The following CSMD3 variants were observed in gnomAD, a reference collection of about 807,000 sequenced individuals.
The protein encoded by CSMD3 is CUB and Sushi multiple domains 3.
Under a neutral mutation model 435.2 loss-of-function variants are expected in CSMD3, and 177 were observed. That is an observed-to-expected ratio of 0.41 (90% CI 0.36 to 0.46). The LOEUF (loss-of-function observed/expected upper bound fraction) is 0.46. Among genes scored for constraint, CSMD3 ranks in the 20% least tolerant of loss-of-function variants. The pLI, the probability that CSMD3 is intolerant of heterozygous loss-of-function variation, is 0.34. For synonymous variants in CSMD3, 1,656 were observed against 1,520.5 expected (o/e 1.09, Z -2.07); for missense variants, 4,265 against 4,504.6 (o/e 0.95, Z 1.52).
intron 38 of CSMD3, among the ~76,000 whole-genome samples, chr8:112,359,457 G>A (rs1391349870): frequency 6.6e-6 from 1 of 152,098 alleles, no homozygotes; most frequent in Non-Finnish European, 1.5e-5. Context: ...GTGTCTTGAG[G>A]AGGCACTCAG....
intron 1 of CSMD3, among the ~76,000 whole-genome samples, chr8:113,354,610 CAT>C (rs1327902031): frequency 2.0e-5 from 3 of 152,080 alleles, no homozygotes; most frequent in Admixed American, 6.6e-5. Flanking sequence ...AGTAACATAA[CAT>C]AGAAATTTGT....
chr8:112,820,448 C>T (rs2079497152), intron 12 of CSMD3, among the ~76,000 whole-genome samples: 1 of 151,884 alleles, frequency 6.6e-6, no homozygotes, highest in African/African-American at 2.4e-5. Flanking sequence ...TTCACAAAAA[C>T]ATAATATACA....
intron 1 of CSMD3, among the ~76,000 whole-genome samples, chr8:113,319,260 G>A (rs76979718): frequency 1.9e-3 from 287 of 152,110 alleles, no homozygotes; most frequent in South Asian, 9.5e-3. Context: ...ACTTACGGGA[G>A]TAAGGCAATA....
At chr8:113,314,845 T>C (rs1247332739) in intron 1 of CSMD3, 52 bp from the exon 2 acceptor site, 1 of 1,164,406 alleles carries the variant, frequency 8.6e-7, no homozygotes, top group Non-Finnish European at 1.3e-6. Flanking sequence ...TCAAGAACAA[T>C]CCATGAGATA....
chr8:113,214,855 A>T (rs564746245), intron 3 of CSMD3, among the ~76,000 whole-genome samples: 1 of 152,030 alleles, frequency 6.6e-6, no homozygotes, highest in African/African-American at 2.4e-5. Context: ...AGTAGATTAA[A>T]TATATGGTGT....
chr8:113,355,581 C>T (rs1412950305), intron 1 of CSMD3, among the ~76,000 whole-genome samples: 6 of 151,326 alleles, frequency 4.0e-5, no homozygotes, highest in Admixed American at 6.6e-5. Flanking sequence ...TCCCAAAGGC[C>T]GCGCTTCCTG....
rs190784239 is a variant in CSMD3, at chr8:113,178,277, T to C, written c.515-4361A>G. The stretch of plus-strand genomic sequence containing the variant: ...CTGAGACTCAGAAAGATTAAGTAAC[T>C]TTCCAAAGGCCACCCACTAATAAAT... On this transcript the variant is annotated intron_variant, in intron 3 of 70. Coordinates refer to ENST00000297405, the MANE Select transcript of CSMD3 (RefSeq NM_198123.2). Among the ~76,000 whole-genome samples, 309 of 152,072 alleles carry C rather than the reference T, an allele frequency of 2.0e-3. 2 individuals are homozygous for C. Among genetic ancestry groups the C allele is most frequent in the Non-Finnish European group, 4.9e-4 (33 of 67,906 alleles).
At chr8:112,973,499 T>G (rs1413693629) in intron 7 of CSMD3, among the ~76,000 whole-genome samples, 1 of 151,886 alleles carries the variant, frequency 6.6e-6, no homozygotes, top group Non-Finnish European at 1.5e-5. Context: ...TTTATCTTTA[T>G]TTCCTCTAGA....
At chr8:112,294,815 C>T (rs1402504657) in intron 54 of CSMD3, among the ~76,000 whole-genome samples, 4 of 152,096 alleles carry the variant, frequency 2.6e-5, no homozygotes, top group African/African-American at 4.8e-5. Context: ...TCTAAAATTA[C>T]ATATATTCAT....
intron 5 of CSMD3, among the ~76,000 whole-genome samples, chr8:113,075,540 A>G (rs1439667800): frequency 6.6e-6 from 1 of 151,884 alleles, no homozygotes; most frequent in Non-Finnish European, 1.5e-5. Context: ...TCACTATGAA[A>G]TAGCTTCAAT....
At chr8:112,608,584 C>G (rs1832977195) in intron 22 of CSMD3, among the ~76,000 whole-genome samples, 1 of 149,066 alleles carries the variant, frequency 6.7e-6, no homozygotes. Context: ...GGCATGAAAA[C>G]TATATATATA....
chr8:112,609,622 A>G (rs1277671523), intron 22 of CSMD3, among the ~76,000 whole-genome samples: 1 of 152,154 alleles, frequency 6.6e-6, no homozygotes, highest in Non-Finnish European at 1.5e-5. Context: ...TCAGAATATT[A>G]AAAATAGAAC....
chr8:112,923,208 A>C (rs530270314), intron 9 of CSMD3, among the ~76,000 whole-genome samples: 2 of 152,068 alleles, frequency 1.3e-5, no homozygotes, highest in Non-Finnish European at 2.9e-5. Flanking sequence ...GCCTCCCTGC[A>C]ATCTGTTCTT....
intron 38 of CSMD3, among the ~76,000 whole-genome samples, chr8:112,359,861 T>C (rs891318185): frequency 3.3e-5 from 5 of 152,054 alleles, no homozygotes; most frequent in Admixed American, 2.6e-4. Context: ...TTTATGGACC[T>C]AGGAAAACTT....
chr8:112,681,195 C>A (rs1009639118), intron 16 of CSMD3, among the ~76,000 whole-genome samples: 2 of 151,394 alleles, frequency 1.3e-5, no homozygotes, highest in Non-Finnish European at 2.9e-5. Flanking sequence ...CCACCACACC[C>A]GGCTAGTTTT....
intron 4 of CSMD3, among the ~76,000 whole-genome samples, chr8:113,142,754 C>A (rs1354304223): frequency 1.3e-5 from 2 of 150,710 alleles, no homozygotes; most frequent in East Asian, 2.0e-4. Context: ...ATAATTGCAT[C>A]ATTTATAACG....
intron 20 of CSMD3, among the ~76,000 whole-genome samples, chr8:112,640,010 T>C (rs746328673): frequency 6.6e-6 from 1 of 152,160 alleles, no homozygotes; most frequent in Non-Finnish European, 1.5e-5. Context: ...TTTTACAAAG[T>C]GGCCATGCTG....
intron 35 of CSMD3, among the ~76,000 whole-genome samples, chr8:112,400,810 G>A (rs1831265750): frequency 6.6e-6 from 1 of 151,968 alleles, no homozygotes; most frequent in African/African-American, 2.4e-5. Flanking sequence ...TAAAATGCTG[G>A]GATTAATCAA....
At chr8:112,688,272 C>T (rs1009585831) in intron 14 of CSMD3, among the ~76,000 whole-genome samples, 4 of 152,056 alleles carry the variant, frequency 2.6e-5, no homozygotes, top group Non-Finnish European at 5.9e-5. Flanking sequence ...TAGATAGATG[C>T]TTATATCATA....
Sources: allele counts gnomAD v4.1 joint callset (sites outside exome capture counted in the v4.1 genomes callset), GRCh38; gene constraint gnomAD v4.1.1; transcripts MANE v1.5; gene names NCBI Gene and HGNC (gene_info 2026-07-23, HGNC 2026-07-21).